FAM184B: variants seen among roughly 807,000 people sequenced by gnomAD.
FAM184B encodes protein FAM184B.
A neutral mutation model predicts 135.9 loss-of-function variants in FAM184B; 111 were observed. The observed-to-expected ratio is 0.82, with a 90% confidence interval of 0.70 to 0.96. The LOEUF is 0.96. Among genes scored for constraint, FAM184B ranks in the 40% least tolerant of loss-of-function variants. FAM184B has a pLI of 0.00. For missense variants in FAM184B, 1,375 were observed against 1,323.9 expected (o/e 1.04, Z -0.60); for synonymous variants, 552 against 524.8 (o/e 1.05, Z -0.71).
At chr4:17,646,220 C>G (rs1381178480) in intron 12 of FAM184B, among the ~76,000 whole-genome samples, 1 of 151,990 alleles carries the variant, frequency 6.6e-6, no homozygotes, top group Non-Finnish European at 1.5e-5. Context: ...CCAGCCATCC[C>G]ATTACTGGGT....
chr4:17,681,158 G>C (rs1027210578), intron 7 of FAM184B, among the ~76,000 whole-genome samples: 1 of 152,228 alleles, frequency 6.6e-6, no homozygotes, highest in Admixed American at 6.5e-5. Flanking sequence ...ACAAGAAGTA[G>C]TGCAGCATTG....
chr4:17,716,943 G>A (rs1404569547), intron 1 of FAM184B, among the ~76,000 whole-genome samples: 1 of 152,038 alleles, frequency 6.6e-6, no homozygotes, highest in Non-Finnish European at 1.5e-5. Flanking sequence ...CTGAGTAGCT[G>A]GGACTAAAGG....
intron 7 of FAM184B, among the ~76,000 whole-genome samples, chr4:17,667,148 CAGGGTCTTGCTATGTTGCCT>C (rs1208618651): frequency 6.6e-6 from 1 of 151,858 alleles, no homozygotes; most frequent in East Asian, 1.9e-4. Context: ...CCTGTAGGCA[CAGGGTCTTGCTATGTTGCCT>C]AGGCTGGTCT....
chr4:17,778,911 A>G (rs965726699), intron 1 of FAM184B, among the ~76,000 whole-genome samples: 1 of 152,172 alleles, frequency 6.6e-6, no homozygotes, highest in Non-Finnish European at 1.5e-5. Flanking sequence ...CAATAAAAAG[A>G]TGGGAAGGAA....
chr4:17,695,068 A>G (rs1001533216), intron 5 of FAM184B, among the ~76,000 whole-genome samples: 11 of 152,188 alleles, frequency 7.2e-5, no homozygotes, highest in Non-Finnish European at 1.6e-4. Context: ...GAGGAGCACC[A>G]TCTGAGGCCT....
chr4:17,715,325 A>G (rs529012726), intron 1 of FAM184B, among the ~76,000 whole-genome samples: 69 of 152,190 alleles, frequency 4.5e-4, no homozygotes, highest in Admixed American at 9.8e-4. Flanking sequence ...AAATTAAAAA[A>G]TTAGCTGTGT....
intron 5 of FAM184B, among the ~76,000 whole-genome samples, chr4:17,698,612 C>T (rs1489549117): frequency 6.6e-6 from 1 of 152,148 alleles, no homozygotes; most frequent in African/African-American, 2.4e-5. Flanking sequence ...ATAATACCAA[C>T]ACTGATACTA....
intron 1 of FAM184B, among the ~76,000 whole-genome samples, chr4:17,732,767 G>A (rs1468149312): frequency 5.3e-5 from 8 of 152,172 alleles, no homozygotes; most frequent in Non-Finnish European, 7.3e-5. Context: ...ACAAGGAGGA[G>A]CTGGTACGAT....
At chr4:17,638,784 G>GGAACATA (rs11281936) in intron 14 of FAM184B, among the ~76,000 whole-genome samples, 9,829 of 152,028 alleles carry the variant, frequency 0.065, 1,077 homozygotes, top group African/African-American at 0.23. Context: ...GCAGAAAAGG[G>GGAACATA]GAACATAGCC....
At chr4:17,694,286 G>A (rs1394006379) in intron 5 of FAM184B, among the ~76,000 whole-genome samples, 3 of 152,188 alleles carry the variant, frequency 2.0e-5, no homozygotes, top group Non-Finnish European at 4.4e-5. Flanking sequence ...CACTTTGGGA[G>A]GCCGAGGTGG....
In FAM184B at chr4:17,632,279, T is replaced by C; in HGVS notation, c.*253A>G. The C allele has an allele frequency of 7.4e-6, 2 of 268,502 alleles. No homozygotes were observed. The highest frequency in any genetic ancestry group is 1.5e-5 in the Non-Finnish European group (2 of 137,764). The allele number at this position is 268,502 out of a possible 1,614,324, so 16.6% of individuals were successfully genotyped here. On this transcript the variant is annotated 3_prime_UTR_variant, in exon 18 of 18. Transcript: ENST00000265018. Reference sequence around the variant, plus strand: ...TTGTAGAGATGGGGTTTCACCATATTGGCCAGGCTGGTCTCAAATTCCTGG... The same window carrying C: ...TTGTAGAGATGGGGTTTCACCATATCGGCCAGGCTGGTCTCAAATTCCTGG...
In FAM184B at chr4:17,740,609, T is replaced by C. The variant is rs532060468; in HGVS notation, c.142-30965A>G. On this transcript the variant is annotated intron_variant, in intron 1 of 17. Transcript: ENST00000265018. The stretch of plus-strand genomic sequence containing the variant: ...AATCTTGCCCTTGGAAGAGAGCTGC[T>C]GTCAGGTGGGCCTCACCGTTCAGGT... 6.6e-5 allele frequency among the ~76,000 whole-genome samples: 10 copies of C among 152,308 alleles called. No homozygotes were observed. The East Asian group carries it at 1.9e-3, about 29-fold the overall frequency.
chr4:17,768,775 G>A (rs1718753759), intron 1 of FAM184B, among the ~76,000 whole-genome samples: 1 of 151,840 alleles, frequency 6.6e-6, no homozygotes, highest in Non-Finnish European at 1.5e-5. Context: ...CATAACAGGT[G>A]CTCAGTAAAT....
At chr4:17,685,558 CAAAAA>C (rs11350244) in intron 7 of FAM184B, among the ~76,000 whole-genome samples, 1 of 86,760 alleles carries the variant, frequency 1.2e-5, no homozygotes, top group African/African-American at 4.6e-5. Flanking sequence ...GACTCTGTCT[CAAAAA>C]AAAAAAAAAA....
chr4:17,713,578 C>T (rs1266993549), intron 1 of FAM184B, among the ~76,000 whole-genome samples: 1 of 152,236 alleles, frequency 6.6e-6, no homozygotes, highest in Non-Finnish European at 1.5e-5. Flanking sequence ...GTGCTATATA[C>T]ACATTCACAA....
intron 7 of FAM184B, among the ~76,000 whole-genome samples, chr4:17,685,412 G>A (rs1716556187): frequency 6.6e-6 from 1 of 151,684 alleles, no homozygotes; most frequent in African/African-American, 2.4e-5. Context: ...AGTCGGGCGT[G>A]GTGGTGTGCG....
intron 1 of FAM184B, among the ~76,000 whole-genome samples, chr4:17,730,015 G>A (rs1313738617): frequency 6.6e-6 from 1 of 151,720 alleles, no homozygotes; most frequent in Admixed American, 6.6e-5. Flanking sequence ...TAAAAACTTT[G>A]AAAAAAAATT....
At chr4:17,636,697 A>G in intron 14 of FAM184B, 52 bp from the exon 15 acceptor site, 1 of 1,356,138 alleles carries the variant, frequency 7.4e-7, no homozygotes, top group Non-Finnish European at 1.0e-6. Flanking sequence ...TTACTCAACA[A>G]AGAGGGAGAA....
chr4:17,774,787 A>C (rs1718889121), intron 1 of FAM184B, among the ~76,000 whole-genome samples: 1 of 152,210 alleles, frequency 6.6e-6, no homozygotes, highest in Non-Finnish European at 1.5e-5. Context: ...ACCGACAGAA[A>C]AAGAACAGTA....
Sources: gnomAD v4.1 joint callset for allele counts (sites outside exome capture counted in the v4.1 genomes callset) on GRCh38, gnomAD v4.1.1 for gene constraint, MANE v1.5 for transcripts, NCBI Gene and HGNC (gene_info 2026-07-23, HGNC 2026-07-21) for gene names.